Variants in PPA2 observed in about 807,000 individuals in gnomAD.
PPA2 encodes the protein inorganic pyrophosphatase 2, also known as inorganic pyrophosphatase 2, mitochondrial.
In PPA2, 48 loss-of-function variants were observed where a neutral mutation model predicts 49.5. The observed-to-expected ratio is 0.97, with a 90% confidence interval of 0.77 to 1.23. PPA2 has a LOEUF of 1.23. PPA2 is among the 50% of genes most tolerant of loss of function. The pLI is 0.00. For missense variants in PPA2, 429 were observed against 410.1 expected, an observed-to-expected ratio of 1.05 and a Z score of -0.40; for synonymous variants, 131 against 139.9, an observed-to-expected ratio of 0.94 and a Z score of 0.45.
intron 10 of PPA2, among the ~76,000 whole-genome samples, chr4:105,383,845 C>T (rs1249348760): frequency 6.6e-6 from 1 of 151,546 alleles, no homozygotes; most frequent in Non-Finnish European, 1.5e-5. Flanking sequence ...CGGTCTGAAT[C>T]TGATCAAGTA....
At chr4:105,379,875 C>A (rs1733416735) in intron 10 of PPA2, among the ~76,000 whole-genome samples, 1 of 152,158 alleles carries the variant, frequency 6.6e-6, no homozygotes, top group Non-Finnish European at 1.5e-5. Context: ...CTCAAGCAAT[C>A]CACCTATCTT....
chr4:105,415,391 G>A (rs190302356), intron 7 of PPA2, among the ~76,000 whole-genome samples: 3 of 152,234 alleles, frequency 2.0e-5, no homozygotes, highest in Admixed American at 1.3e-4. Context: ...TCCAGAGGGG[G>A]CCGAGGTGGC....
intron 6 of PPA2, 49 bp downstream of exon 6, chr4:105,437,901 T>A (rs1043314885): frequency 3.5e-6 from 5 of 1,442,572 alleles, no homozygotes; most frequent in Non-Finnish European, 4.7e-6. Flanking sequence ...TTTTATGGCA[T>A]GAATAAACCA....
At chr4:105,463,817 A>G (rs1393706903) in intron 1 of PPA2, among the ~76,000 whole-genome samples, 1 of 152,260 alleles carries the variant, frequency 6.6e-6, no homozygotes. Context: ...GCGGGTGCAC[A>G]GAAGTCAAGA....
chr4:105,467,401 C>T (rs1723348475), intron 1 of PPA2, among the ~76,000 whole-genome samples: 1 of 152,150 alleles, frequency 6.6e-6, no homozygotes, highest in Non-Finnish European at 1.5e-5. Flanking sequence ...GGCAGGAGGA[C>T]ACTGATCAAA....
chr4:105,473,740 G>C (rs1231755667), intron 1 of PPA2, 154 bp downstream of exon 1: 1 of 1,141,448 alleles, frequency 8.8e-7, no homozygotes, highest in Non-Finnish European at 1.3e-6. Context: ...GCGCGCTCCC[G>C]CGGGAAGTAA....
chr4:105,416,956 T>A (rs961626526), intron 7 of PPA2, among the ~76,000 whole-genome samples: 2 of 152,226 alleles, frequency 1.3e-5, no homozygotes, highest in African/African-American at 4.8e-5. Context: ...AGAGACTATA[T>A]GCACTGTAGC....
intron 2 of PPA2, chr4:105,455,982 C>T (rs1238926268): frequency 8.4e-6 from 2 of 238,772 alleles, no homozygotes; most frequent in African/African-American, 2.3e-5. Flanking sequence ...TAATGATGAT[C>T]ATGAATACTA....
chr4:105,395,246 T>C (rs1306967991), intron 9 of PPA2, among the ~76,000 whole-genome samples: 1 of 152,180 alleles, frequency 6.6e-6, no homozygotes, highest in Non-Finnish European at 1.5e-5. Flanking sequence ...AAAATATTCC[T>C]TGATATTAAA....
intron 7 of PPA2, chr4:105,405,576 G>T: frequency 1.0e-6 from 1 of 982,954 alleles, no homozygotes; most frequent in Non-Finnish European, 1.2e-6. Flanking sequence ...TTTTCACTGA[G>T]TTCAAGCATA....
intron 7 of PPA2, among the ~76,000 whole-genome samples, chr4:105,419,747 T>C (rs543899312): frequency 9.3e-5 from 14 of 150,496 alleles, no homozygotes; most frequent in African/African-American, 3.3e-4. Context: ...ATTTTATTTA[T>C]ATCAAAAAAA....
At chr4:105,441,801 T>C (rs1463685546) in intron 5 of PPA2, among the ~76,000 whole-genome samples, 2 of 152,212 alleles carry the variant, frequency 1.3e-5, no homozygotes, top group East Asian at 3.8e-4. Context: ...CTCATTTTCA[T>C]GCAGGTGTTT....
intron 10 of PPA2, among the ~76,000 whole-genome samples, chr4:105,383,310 G>A (rs1733564166): frequency 6.6e-6 from 1 of 152,138 alleles, no homozygotes; most frequent in South Asian, 2.1e-4. Flanking sequence ...ACCTAAGAAT[G>A]ATAAATTACT....
At chr4:105,410,407 G>A (rs148851099) in intron 7 of PPA2, among the ~76,000 whole-genome samples, 3,108 of 152,290 alleles carry the variant, frequency 0.02, 48 homozygotes, top group Middle Eastern at 0.061. Flanking sequence ...AGAAATATGG[G>A]ACTATGTGAA....
intron 5 of PPA2, among the ~76,000 whole-genome samples, chr4:105,440,595 A>G (rs2110293663): frequency 6.6e-6 from 1 of 152,330 alleles, no homozygotes; most frequent in East Asian, 1.9e-4. Context: ...TAGCCCTAAA[A>G]TGCTGAGATT....
At chr4:105,467,293 T>C (rs566701729) in intron 1 of PPA2, among the ~76,000 whole-genome samples, 1 of 152,168 alleles carries the variant, frequency 6.6e-6, no homozygotes, top group East Asian at 1.9e-4. Flanking sequence ...AGAGATCAAG[T>C]AGACCTCTAG....
At position 105,369,625 on chromosome 4, in the gene PPA2, T is replaced by C. The variant is rs919491670; in HGVS notation, c.*100A>G. On this transcript the variant is annotated 3_prime_UTR_variant, in exon 12 of 12. Coordinates refer to ENST00000341695, the MANE Select transcript of PPA2 (RefSeq NM_176869.3). ...GCTCAAAAAGTTTGAAAAAATGAAG[T>C]TTTAACAGGAAGTCAGTAAATGCTC... is the stretch of plus-strand genomic sequence containing the variant. 2 of 1,157,734 alleles carry C rather than the reference T, an allele frequency of 1.7e-6. No individual in the cohort carries two copies. Among genetic ancestry groups the C allele is most frequent in the African/African-American group, 3.1e-5 (2 of 63,992 alleles). 71.7% of individuals were successfully genotyped at this position (1,157,734 alleles called of 1,614,324 possible).
At chr4:105,425,718 GCACATACA>G (rs1355980175) in intron 6 of PPA2, among the ~76,000 whole-genome samples, 62 of 105,314 alleles carry the variant, frequency 5.9e-4, no homozygotes, top group African/African-American at 2.3e-3. Context: ...AAGGACACAT[GCACATACA>G]CACACACACA....
intron 5 of PPA2, among the ~76,000 whole-genome samples, chr4:105,441,454 G>C (rs1283126661): frequency 6.6e-6 from 1 of 151,976 alleles, no homozygotes; most frequent in Non-Finnish European, 1.5e-5. Context: ...TACGGTACTG[G>C]AACCCTATAT....
Sources: gnomAD v4.1 joint callset for allele counts (sites outside exome capture counted in the v4.1 genomes callset) on GRCh38, gnomAD v4.1.1 for gene constraint, MANE v1.5 for transcripts, NCBI Gene and HGNC (gene_info 2026-07-23, HGNC 2026-07-21) for gene names.